VPS16: variants seen among roughly 807,000 people sequenced by gnomAD.
VPS16 encodes the protein vacuolar protein sorting-associated protein 16 homolog.
In VPS16, 82 loss-of-function variants were observed where a neutral mutation model predicts 116.0. That is an observed-to-expected ratio of 0.71 (90% CI 0.59 to 0.85). VPS16 has a LOEUF of 0.85. Among genes scored for constraint, VPS16 ranks in the 40% least tolerant of loss-of-function variants. The pLI is 0.00. For synonymous variants in VPS16, 406 were observed against 420.7 expected, an observed-to-expected ratio of 0.96 and a Z score of 0.43; for missense variants, 928 against 1,090.6, an observed-to-expected ratio of 0.85 and a Z score of 2.10.
At chr20:2,851,806 A>G (rs1017895185) in intron 1 of VPS16, among the ~76,000 whole-genome samples, 2 of 152,136 alleles carry the variant, frequency 1.3e-5, no homozygotes, top group African/African-American at 4.8e-5. Flanking sequence ...CGTCTCTACT[A>G]AAAATACAAA....
In VPS16 at chr20:2,862,799, C is replaced by A. The variant is rs2089250258; in HGVS notation, c.1204-8C>A. The A allele has an allele frequency of 6.2e-7, 1 of 1,613,848 alleles. No homozygotes were observed. The highest frequency in any genetic ancestry group is 1.7e-5 in the Admixed American group (1 of 60,022). On this transcript the variant is annotated splice_polypyrimidine_tract_variant and splice_region_variant and intron_variant, in intron 12 of 23. Transcript: ENST00000380445. Reference sequence around the variant, plus strand: ...AGCTCTCTCCTATCGCCCTCTGGCTCTTCTCAGGCCGCCTCCTTCGGAAAG... The same window carrying A: ...AGCTCTCTCCTATCGCCCTCTGGCTATTCTCAGGCCGCCTCCTTCGGAAAG...
At position 2,860,988 on chromosome 20, in the gene VPS16, C is replaced by G; in HGVS notation, c.649C>G (p.Pro217Ala). Residue 217 changes from proline (P) to alanine (A), a missense_variant, in exon 7 of 24, where the codon CCA becomes GCA. Transcript: ENST00000380445. The surrounding 1 kb of genome is among the most constrained non-coding windows in gnomAD (Gnocchi z 6.1). ...GCCTCAGACGCCCCCTGGCCTGGCCCCAGGAGTAAGCAGCTTCCTACAGAT... is the reference window on the plus strand; with the variant it reads ...GCCTCAGACGCCCCCTGGCCTGGCCGCAGGAGTAAGCAGCTTCCTACAGAT... ...CSAVTPPGLA[P>A]GVSSFLQMAV... The G allele has an allele frequency of 6.2e-7, 1 of 1,614,178 alleles. No homozygotes were observed. Among genetic ancestry groups the G allele is most frequent in the South Asian group, 1.1e-5 (1 of 91,080 alleles).
At position 2,862,611 on chromosome 20, in the gene VPS16, G is replaced by A. The variant is rs751387302; in HGVS notation, c.1104G>A (p.Arg368=). The change falls in exon 12 of 24, where the codon CGG becomes CGA. Residue 368 remains arginine (R), a synonymous_variant. Coordinates refer to ENST00000380445, the MANE Select transcript of VPS16 (RefSeq NM_022575.4). ...KESQKADEYL[R]EIQELGQLTQ... ...GCCAGAAGGCGGACGAGTACCTGCG[G>A]GAGATCCAGGAGCTGGGCCAGCTGA... 7 of 1,613,648 alleles carry A rather than the reference G, an allele frequency of 4.3e-6. No individual in the cohort carries two copies. In the South Asian group the frequency reaches 4.4e-5, roughly 10 times the overall value.
intron 1 of VPS16, among the ~76,000 whole-genome samples, chr20:2,857,038 C>T (rs2089178776): frequency 6.6e-6 from 1 of 150,416 alleles, no homozygotes; most frequent in Admixed American, 6.7e-5. Context: ...AGTGCAGTGG[C>T]ACAATTTTGG....
In VPS16 at chr20:2,864,573, G is replaced by A. The variant is rs147342829; in HGVS notation, c.1845G>A (p.Thr615=). ...RQFCKHQELE[T]LKDLYNQDDN... ...TCTGTAAGCATCAGGAGCTAGAGAC[G>A]CTGAAGGACCTTTACAATCAGGATG... Residue 615 remains threonine, a synonymous_variant, in exon 19 of 24, where the codon ACG becomes ACA. Coordinates refer to ENST00000380445, the MANE Select transcript of VPS16 (RefSeq NM_022575.4). This position sits in a 1 kb window ranked among gnomAD's most constrained non-coding sequence, Gnocchi z 5.2. 129 of 1,614,138 alleles carry A rather than the reference G, an allele frequency of 8.0e-5. No individual in the cohort carries two copies. The African/African-American group carries it at 8.5e-4, about 11-fold the overall frequency.
In VPS16 at chr20:2,863,275, C is replaced by T; in HGVS notation, c.1368-15C>T. 6.2e-7 allele frequency: 1 copy of T among 1,614,024 alleles called. No homozygotes were observed. The highest frequency in any genetic ancestry group is 1.1e-5 in the South Asian group (1 of 91,078). ...CACCTCACTCCTTGTATCCTTTACC[C>T]ACCGGGTCTACCAGGCTCGTGTTGC... is the stretch of plus-strand genomic sequence containing the variant. On this transcript the variant is annotated splice_polypyrimidine_tract_variant and intron_variant, in intron 14 of 23. Transcript: ENST00000380445. This position sits in a 1 kb window ranked among gnomAD's most constrained non-coding sequence, Gnocchi z 4.4.
chr20:2,861,629 G>A lies in VPS16; in HGVS notation c.824G>A (p.Arg275His), dbSNP rs201488911. Residue 275 changes from arginine to histidine, a missense_variant, in exon 9 of 24, where the codon CGT becomes CAT. Physicochemically the swap from Arg to His is conservative, Grantham distance 29. Coordinates refer to ENST00000380445, the MANE Select transcript of VPS16 (RefSeq NM_022575.4). ...PKQMVWCSRP[R>H]SKERAVVVAW... is the part of the protein sequence containing the mutation. ...GCTGCTCACAGGTGCAGCCGTCCTCGTAGCAAGGAGAGGGCCGTGGTGGTG... is the reference window on the plus strand; with the variant it reads ...GCTGCTCACAGGTGCAGCCGTCCTCATAGCAAGGAGAGGGCCGTGGTGGTG... 4.8e-5 allele frequency: 77 copies of A among 1,611,830 alleles called. No individual in the cohort carries two copies. The highest frequency in any genetic ancestry group is 3.2e-4 in the Admixed American group (19 of 59,750).
rs545824236 is a variant in VPS16, at chr20:2,864,854, C to T, written c.1927-124C>T. 9.8e-6 allele frequency: 13 copies of T among 1,323,966 alleles called. 1 individual carries two copies. In the South Asian group the frequency reaches 1.6e-4, roughly 16 times the overall value. 82.0% of individuals were successfully genotyped at this position (1,323,966 alleles called of 1,614,324 possible). A position where few individuals can be genotyped will look rare whatever the true frequency, so the allele number is the denominator to read the frequency against. On this transcript the variant is annotated intron_variant, in intron 19 of 23. Transcript: ENST00000380445. This position sits in a 1 kb window ranked among gnomAD's most constrained non-coding sequence, Gnocchi z 5.2. ...CCCTCTAGGACATCAGAGTGGTGCA[C>T]CTAGCAGGCAAGGCTGACCCTGGCG...
At position 2,865,806 on chromosome 20, in the gene VPS16, G is replaced by A. The variant is rs1434460167; in HGVS notation, c.2271+311G>A. ...CTGAGGAGGGTGGAGGGGGCACAGG[G>A]AGGGTGCATATGGGAGGCAGTGGAG... On this transcript the variant is annotated intron_variant, in intron 22 of 23. Transcript: ENST00000380445. This position sits in a 1 kb window ranked among gnomAD's most constrained non-coding sequence, Gnocchi z 5.2. The A allele has an allele frequency of 2.1e-6, 1 of 483,332 alleles. No individual in the cohort carries two copies. Among genetic ancestry groups the A allele is most frequent in the African/African-American group, 1.9e-5 (1 of 51,362 alleles). 29.9% of individuals were successfully genotyped at this position (483,332 alleles called of 1,614,324 possible). A position where few individuals can be genotyped will look rare whatever the true frequency, so the allele number is the denominator to read the frequency against.
chr20:2,846,090 A>G (rs1386007452), intron 1 of VPS16, among the ~76,000 whole-genome samples: 1 of 134,786 alleles, frequency 7.4e-6, no homozygotes, highest in Non-Finnish European at 1.6e-5. Flanking sequence ...ACAAATATCT[A>G]TTCAATATTT....
rs1249281573 is a variant in VPS16, at chr20:2,864,846, G to A, written c.1927-132G>A. On this transcript the variant is annotated intron_variant, in intron 19 of 23. Coordinates refer to ENST00000380445, the MANE Select transcript of VPS16 (RefSeq NM_022575.4). This position sits in a 1 kb window ranked among gnomAD's most constrained non-coding sequence, Gnocchi z 5.2. The stretch of plus-strand genomic sequence containing the variant: ...CTAGCCATCCCTCTAGGACATCAGA[G>A]TGGTGCACCTAGCAGGCAAGGCTGA... 7 of 1,265,574 alleles carry A rather than the reference G, an allele frequency of 5.5e-6. No individual in the cohort carries two copies. The highest frequency in any genetic ancestry group is 7.9e-6 in the Non-Finnish European group (7 of 886,950). 78.4% of individuals were successfully genotyped at this position (1,265,574 alleles called of 1,614,324 possible). A position where few individuals can be genotyped will look rare whatever the true frequency, so the allele number is the denominator to read the frequency against.
intron 1 of VPS16, among the ~76,000 whole-genome samples, chr20:2,845,969 T>C (rs1031057549): frequency 6.6e-6 from 1 of 152,216 alleles, no homozygotes; most frequent in African/African-American, 2.4e-5. Context: ...CTGAATAATA[T>C]GCCATTGTAT....
In VPS16 at chr20:2,865,711, G is replaced by T. The variant is rs1186158634; in HGVS notation, c.2271+216G>T. Among the ~76,000 whole-genome samples, 2 of 152,222 alleles carry T rather than the reference G, an allele frequency of 1.3e-5. No homozygotes were observed. Among genetic ancestry groups the T allele is most frequent in the African/African-American group, 2.4e-5 (1 of 41,460 alleles). Reference sequence around the variant, plus strand: ...CCAAGTTTGCCTGCAGATGTTACGGGGAGAGAGAATGAGCTGCTTTCCCCA... The same window carrying T: ...CCAAGTTTGCCTGCAGATGTTACGGTGAGAGAGAATGAGCTGCTTTCCCCA... On this transcript the variant is annotated intron_variant, in intron 22 of 23. Coordinates refer to ENST00000380445, the MANE Select transcript of VPS16 (RefSeq NM_022575.4). This position sits in a 1 kb window ranked among gnomAD's most constrained non-coding sequence, Gnocchi z 5.2.
At chr20:2,854,760 C>T (rs6037424) in intron 1 of VPS16, among the ~76,000 whole-genome samples, 29,558 of 147,742 alleles carry the variant, frequency 0.2, 4,692 homozygotes, top group African/African-American at 0.44. Context: ...TGCACCATTG[C>T]ACTCCAGCCT....
rs35773586 is a variant in VPS16 at position 2,864,638 on chromosome 20, G to C, written c.1910G>C (p.Ser637Thr). Residue 637 changes from serine (S) to threonine (T), a missense_variant, in exon 19 of 24, where the codon AGC becomes ACC. Coordinates refer to ENST00000380445, the MANE Select transcript of VPS16 (RefSeq NM_022575.4). The surrounding 1 kb of genome is among the most constrained non-coding windows in gnomAD (Gnocchi z 5.2). ...TTGGGCAGCTTCCACATCCGAGCCA[G>C]CTATGCTGCAGAAGAGGTCTGAGAT... ...QELGSFHIRA[S>T]YAAEERIEGR... 9.3e-6 allele frequency: 15 copies of C among 1,614,118 alleles called. No individual in the cohort carries two copies. Among genetic ancestry groups the C allele is most frequent in the Non-Finnish European group, 1.2e-5 (14 of 1,180,026 alleles).
chr20:2,845,161 G>C (rs114785756), intron 1 of VPS16, among the ~76,000 whole-genome samples: 6,397 of 151,980 alleles, frequency 0.042, 262 homozygotes, highest in Admixed American at 0.11. Flanking sequence ...AGGATGGCCA[G>C]TACTGGGGTG....
At position 2,865,875 on chromosome 20, in the gene VPS16, A is replaced by G; in HGVS notation, c.2272-337A>G. The G allele has an allele frequency of 2.2e-6, 1 of 464,694 alleles. No individual in the cohort carries two copies. 28.8% of individuals were successfully genotyped at this position (464,694 alleles called of 1,614,324 possible). On this transcript the variant is annotated intron_variant, in intron 22 of 23. Transcript: ENST00000380445. The surrounding 1 kb of genome is among the most constrained non-coding windows in gnomAD (Gnocchi z 5.2). The stretch of plus-strand genomic sequence containing the variant: ...TGTGGTGGGTAGTTCAGAGGTGTAT[A>G]GGGCAGGTTTGAGAATGTCAATCAC...
chr20:2,858,995 G>A (rs1372732778), intron 1 of VPS16, among the ~76,000 whole-genome samples: 1 of 152,114 alleles, frequency 6.6e-6, no homozygotes, highest in Non-Finnish European at 1.5e-5. Context: ...CCCACACCCT[G>A]ATTCATTAAG....
chr20:2,864,131 G>T lies in VPS16; in HGVS notation c.1611+48G>T. 1 of 1,613,778 alleles carries T rather than the reference G, an allele frequency of 6.2e-7. No homozygotes were observed. Among genetic ancestry groups the T allele is most frequent in the Non-Finnish European group, 8.5e-7 (1 of 1,179,672 alleles). ...AGACACTCTGATGTGGTTGTTCAGG[G>T]CCCCCATGCCAGCTCCTTCTCTCTG... On this transcript the variant is annotated intron_variant, in intron 16 of 23. Coordinates refer to ENST00000380445, the MANE Select transcript of VPS16 (RefSeq NM_022575.4). The surrounding 1 kb of genome is among the most constrained non-coding windows in gnomAD (Gnocchi z 5.2).
Sources: allele counts gnomAD v4.1 joint callset (sites outside exome capture counted in the v4.1 genomes callset), GRCh38; gene constraint gnomAD v4.1.1; non-coding constraint Gnocchi (gnomAD v3.1); transcripts MANE v1.5; gene names NCBI Gene and HGNC (gene_info 2026-07-23, HGNC 2026-07-21).